CPEB3: variants seen among roughly 807,000 people sequenced by gnomAD.
The protein encoded by CPEB3 is cytoplasmic polyadenylation element binding protein 3.
Under a neutral mutation model 67.2 loss-of-function variants are expected in CPEB3, and 20 were observed. That is an observed-to-expected ratio of 0.30 (90% CI 0.21 to 0.43). CPEB3 has a LOEUF of 0.43. CPEB3 is among the 20% of genes least tolerant of loss of function. CPEB3 has a pLI of 1.00. For missense variants in CPEB3, 746 were observed against 968.6 expected, an observed-to-expected ratio of 0.77 and a Z score of 3.05; for synonymous variants, 376 against 393.1, an observed-to-expected ratio of 0.96 and a Z score of 0.51.
chr10:92,283,324 G>C (rs1293791704), intron 1 of CPEB3, among the ~76,000 whole-genome samples: 1 of 152,042 alleles, frequency 6.6e-6, no homozygotes, highest in East Asian at 1.9e-4. Flanking sequence ...ATTATTAAGA[G>C]CCCTTAACCA....
chr10:92,189,160 TTATTA>T (rs1848838574), intron 3 of CPEB3, among the ~76,000 whole-genome samples: 1 of 152,212 alleles, frequency 6.6e-6, no homozygotes, highest in African/African-American at 2.4e-5. Flanking sequence ...ATATCCTATT[TTATTA>T]TATATTTTTT....
chr10:92,284,720 T>C (rs1842452784), intron 1 of CPEB3, among the ~76,000 whole-genome samples: 1 of 152,166 alleles, frequency 6.6e-6, no homozygotes, highest in Non-Finnish European at 1.5e-5. Flanking sequence ...TGCAATTTGA[T>C]ACATTTATTT....
intron 8 of CPEB3, among the ~76,000 whole-genome samples, chr10:92,084,406 T>C (rs767043147): frequency 6.6e-6 from 1 of 152,064 alleles, no homozygotes; most frequent in Non-Finnish European, 1.5e-5. Context: ...TAGTTGCTTT[T>C]TTGGCCACCA....
chr10:92,230,557 G>A (rs1397489326), intron 2 of CPEB3, among the ~76,000 whole-genome samples: 1 of 152,100 alleles, frequency 6.6e-6, no homozygotes, highest in Non-Finnish European at 1.5e-5. Context: ...AGTTACTGTA[G>A]TACTTTAATT....
intron 1 of CPEB3, among the ~76,000 whole-genome samples, chr10:92,240,586 C>A (rs868600958): frequency 5.3e-5 from 8 of 152,262 alleles, no homozygotes; most frequent in African/African-American, 1.2e-4. Context: ...CGTCTTCAAC[C>A]TTTCAGATGT....
intron 2 of CPEB3, among the ~76,000 whole-genome samples, chr10:92,214,020 A>C (rs1204143524): frequency 6.6e-6 from 1 of 152,190 alleles, no homozygotes; most frequent in African/African-American, 2.4e-5. Context: ...ACCATTGCAC[A>C]CATATTAATC....
chr10:92,075,368 T>C (rs900247357), intron 9 of CPEB3, among the ~76,000 whole-genome samples: 6 of 152,218 alleles, frequency 3.9e-5, no homozygotes, highest in Non-Finnish European at 5.9e-5. Flanking sequence ...GTTGATCTTA[T>C]TGCAGACTTA....
chr10:92,197,939 T>G (rs1432676111), intron 2 of CPEB3, among the ~76,000 whole-genome samples: 1 of 152,008 alleles, frequency 6.6e-6, no homozygotes, highest in Non-Finnish European at 1.5e-5. Context: ...AAACACCATC[T>G]CTACTAAAAC....
chr10:92,141,976 C>CT (rs1301994888), intron 6 of CPEB3, among the ~76,000 whole-genome samples: 24 of 150,092 alleles, frequency 1.6e-4, no homozygotes, highest in Admixed American at 1.2e-3. Flanking sequence ...CGAGATCACG[C>CT]CACTGCACTC....
intron 1 of CPEB3, among the ~76,000 whole-genome samples, chr10:92,275,118 A>G (rs142647381): frequency 5.9e-5 from 9 of 152,286 alleles, no homozygotes; most frequent in Non-Finnish European, 8.8e-5. Context: ...TGTCCTTCCA[A>G]TGAATTTCCT....
chr10:92,140,614 G>C (rs1439477493), intron 6 of CPEB3, among the ~76,000 whole-genome samples: 1 of 150,596 alleles, frequency 6.6e-6, no homozygotes, highest in East Asian at 1.9e-4. Flanking sequence ...GGCAACAAAA[G>C]CCAAAATTGA....
At chr10:92,110,902 G>C (rs1472393384) in intron 7 of CPEB3, among the ~76,000 whole-genome samples, 174 bp downstream of exon 7, 3 of 152,214 alleles carry the variant, frequency 2.0e-5, no homozygotes, top group Non-Finnish European at 2.9e-5. Flanking sequence ...TGAATACTGA[G>C]TAATTTGTTG....
intron 4 of CPEB3, among the ~76,000 whole-genome samples, chr10:92,166,307 C>T (rs1378533103): frequency 6.6e-6 from 1 of 151,978 alleles, no homozygotes; most frequent in African/African-American, 2.4e-5. Context: ...TGAGGTTTCA[C>T]CATGTTGACC....
intron 6 of CPEB3, among the ~76,000 whole-genome samples, chr10:92,111,607 C>T (rs1055189075): frequency 1.3e-5 from 2 of 152,154 alleles, no homozygotes; most frequent in Non-Finnish European, 1.5e-5. Context: ...AGAAGCCAGA[C>T]AAAATATGTC....
At chr10:92,250,408 A>G (rs540844043) in intron 1 of CPEB3, among the ~76,000 whole-genome samples, 32 of 152,278 alleles carry the variant, frequency 2.1e-4, no homozygotes, top group African/African-American at 7.7e-4. Flanking sequence ...AAAAAAATTT[A>G]AAAGTTTAAA....
intron 3 of CPEB3, among the ~76,000 whole-genome samples, chr10:92,191,015 C>T (rs549771830): frequency 2.8e-4 from 42 of 152,152 alleles, no homozygotes; most frequent in East Asian, 1.9e-4. Flanking sequence ...GAGAATTAGA[C>T]GAATAATACA....
At chr10:92,063,547 G>C (rs1842437107) in intron 9 of CPEB3, among the ~76,000 whole-genome samples, 1 of 152,188 alleles carries the variant, frequency 6.6e-6, no homozygotes, top group Admixed American at 6.5e-5. Flanking sequence ...GGCAGATCAT[G>C]AGGTCAAGAG....
chr10:92,074,085 T>C (rs1484539382), intron 9 of CPEB3, among the ~76,000 whole-genome samples: 2 of 141,186 alleles, frequency 1.4e-5, no homozygotes, highest in Non-Finnish European at 3.2e-5. Context: ...GCCACCTCTC[T>C]TTTTAACTAT....
chr10:92,248,665 G>C (rs1295672985), intron 1 of CPEB3, among the ~76,000 whole-genome samples: 2 of 152,278 alleles, frequency 1.3e-5, no homozygotes, highest in South Asian at 2.1e-4. Context: ...ATGGGAAGGG[G>C]AGTGGTATAA....
Sources: allele counts gnomAD v4.1 joint callset (sites outside exome capture counted in the v4.1 genomes callset), GRCh38; gene constraint gnomAD v4.1.1; transcripts MANE v1.5; gene names NCBI Gene and HGNC (gene_info 2026-07-23, HGNC 2026-07-21).